GDI2: variants seen among roughly 807,000 people sequenced by gnomAD.
GDI2 encodes the protein GDP dissociation inhibitor 2, also known as rab GDP dissociation inhibitor beta.
GDI2 carries 22 observed loss-of-function variants against 54.2 expected under a neutral mutation model. The ratio of observed to expected loss-of-function variants is 0.41; its 90% CI spans 0.29 to 0.58. The LOEUF is 0.58. GDI2 is among the 20% of genes least tolerant of loss of function. The probability of loss-of-function intolerance (pLI) is 0.35; values close to 1 mark genes in which losing one functional copy is unlikely to be tolerated. For synonymous variants in GDI2, 177 were observed against 182.1 expected, an observed-to-expected ratio of 0.97 and a Z score of 0.23; for missense variants, 422 against 546.0, an observed-to-expected ratio of 0.77 and a Z score of 2.26.
chr10:5,793,197 G>A (rs1055559871), intron 4 of GDI2, among the ~76,000 whole-genome samples: 43 of 152,022 alleles, frequency 2.8e-4, no homozygotes, highest in Admixed American at 2.6e-3. Context: ...GTCCTGCTAT[G>A]TTGCCCAGGC....
chr10:5,794,865 G>C lies in GDI2; in HGVS notation c.388+20C>G. 2 of 1,543,890 alleles carry C rather than the reference G, an allele frequency of 1.3e-6. No individual in the cohort carries two copies. Among genetic ancestry groups the C allele is most frequent in the South Asian group, 1.1e-5 (1 of 88,722 alleles). On this transcript the variant is annotated intron_variant, in intron 4 of 10. Coordinates refer to ENST00000380191, the MANE Select transcript of GDI2 (RefSeq NM_001494.4). ...TCTGAGAAAATAAAACTAGTTACTA[G>C]AGAAAATAAAACTACTTACTAGATG...
At chr10:5,786,952 A>C (rs1053956793) in intron 4 of GDI2, among the ~76,000 whole-genome samples, 5 of 152,214 alleles carry the variant, frequency 3.3e-5, no homozygotes, top group Non-Finnish European at 5.9e-5. Context: ...GCTACAAATT[A>C]CCACTTTATA....
intron 7 of GDI2, among the ~76,000 whole-genome samples, chr10:5,772,995 AG>A (rs1840530203): frequency 6.6e-6 from 1 of 152,164 alleles, no homozygotes; most frequent in Admixed American, 6.5e-5. Context: ...GATCCTTGTA[AG>A]GAATAAATGA....
intron 7 of GDI2, among the ~76,000 whole-genome samples, chr10:5,773,178 T>C (rs759283022): frequency 2.0e-5 from 3 of 151,460 alleles, no homozygotes; most frequent in Non-Finnish European, 2.9e-5. Flanking sequence ...ACCCAGGAGG[T>C]TGCTACATTC....
intron 1 of GDI2, among the ~76,000 whole-genome samples, chr10:5,801,595 G>A (rs1450497475): frequency 1.3e-5 from 2 of 152,156 alleles, no homozygotes; most frequent in Non-Finnish European, 1.5e-5. Flanking sequence ...TGAATTGCTT[G>A]AACCTGGGAG....
rs184669181 is a variant in GDI2 at position 5,795,588 on chromosome 10, T to C, written c.254-569A>G. ...AAGGTTAATAATTCTATCAACTTGC[T>C]TTTGCAAAAGCAATGAAAAATTTAT... On this transcript the variant is annotated intron_variant, in intron 3 of 10. Transcript: ENST00000380191. Among the ~76,000 whole-genome samples, 6 of 152,366 alleles carry C rather than the reference T, an allele frequency of 3.9e-5. No homozygotes were observed. In the East Asian group the frequency reaches 1.2e-3, roughly 29 times the overall value.
intron 2 of GDI2, among the ~76,000 whole-genome samples, chr10:5,799,592 T>G (rs114966216): frequency 6.6e-6 from 1 of 151,948 alleles, no homozygotes; most frequent in Admixed American, 6.6e-5. Context: ...GTGGAAGCCA[T>G]AGGGAGGCGA....
Position 5,766,002 on chromosome 10 carries a change from G to A in GDI2, c.*4C>T, listed in dbSNP as rs1840316731. 1 of 1,572,176 alleles carries A rather than the reference G, an allele frequency of 6.4e-7. No homozygotes were observed. ...TCCTAATTACATAATAACATGTACT[G>A]CTGTTAGTCTTCCCCATAGATGTCA... On this transcript the variant is annotated 3_prime_UTR_variant, in exon 11 of 11. Transcript: ENST00000380191. The surrounding 1 kb of genome is among the most constrained non-coding windows in gnomAD (Gnocchi z 5.8).
chr10:5,795,350 A>T (rs1841121578), intron 3 of GDI2, among the ~76,000 whole-genome samples: 1 of 151,886 alleles, frequency 6.6e-6, no homozygotes, highest in African/African-American at 2.4e-5. Flanking sequence ...TCAAACTCCT[A>T]AGCTCAAACA....
intron 3 of GDI2, among the ~76,000 whole-genome samples, chr10:5,795,630 G>A (rs1841129346): frequency 6.6e-6 from 1 of 151,994 alleles, no homozygotes. Context: ...TATGAGGTTT[G>A]GAATTATAGT....
chr10:5,801,795 G>C (rs1841275228), intron 1 of GDI2, among the ~76,000 whole-genome samples: 1 of 152,170 alleles, frequency 6.6e-6, no homozygotes, highest in African/African-American at 2.4e-5. Flanking sequence ...TGTAATGCTT[G>C]AACCCAGGAA....
At chr10:5,793,935 A>C (rs549371983) in intron 4 of GDI2, among the ~76,000 whole-genome samples, 1 of 151,934 alleles carries the variant, frequency 6.6e-6, no homozygotes, top group East Asian at 1.9e-4. Context: ...AGGCCAAGGC[A>C]GGTGAAACAC....
At chr10:5,811,510 T>C (rs1841479138) in intron 1 of GDI2, among the ~76,000 whole-genome samples, 1 of 152,274 alleles carries the variant, frequency 6.6e-6, no homozygotes, top group East Asian at 1.9e-4. Context: ...ACCTCAATTG[T>C]GAGCAAATCT....
chr10:5,765,768 G>GA lies in GDI2; in HGVS notation c.*237dup, dbSNP rs34959016. 242,054 of 311,932 alleles carry GA rather than the reference G, an allele frequency of 0.78. 86,366 individuals are homozygous for GA. The highest frequency in any genetic ancestry group is 0.9 in the African/African-American group (40,021 of 44,452). The allele number at this position is 311,932 out of a possible 1,614,324, so 19.3% of individuals were successfully genotyped here. On this transcript the variant is annotated 3_prime_UTR_variant, in exon 11 of 11. Coordinates refer to ENST00000380191, the MANE Select transcript of GDI2 (RefSeq NM_001494.4). The stretch of plus-strand genomic sequence containing the variant: ...TCCCAATGTTTGTTTAACTTCACTA[G>GA]AAAAAAAAAAAGCCAGTTTGGTTAA...
chr10:5,805,942 T>G (rs1421823583), intron 1 of GDI2, among the ~76,000 whole-genome samples: 1 of 152,210 alleles, frequency 6.6e-6, no homozygotes, highest in African/African-American at 2.4e-5. Flanking sequence ...ATACCACAAT[T>G]TACTTCTCCA....
At position 5,813,371 on chromosome 10, in the gene GDI2, A is replaced by G. The variant is rs1423035814; in HGVS notation, c.-113T>C. The G allele has an allele frequency of 1.4e-6, 1 of 725,676 alleles. No individual in the cohort carries two copies. The highest frequency in any genetic ancestry group is 1.8e-5 in the African/African-American group (1 of 54,654). The allele number at this position is 725,676 out of a possible 1,614,324, so 45.0% of individuals were successfully genotyped here. A position where few individuals can be genotyped will look rare whatever the true frequency, so the allele number is the denominator to read the frequency against. On this transcript the variant is annotated 5_prime_UTR_variant, in exon 1 of 11. Coordinates refer to ENST00000380191, the MANE Select transcript of GDI2 (RefSeq NM_001494.4). ...GCGCGAAGGAAAGGGGAAGAGAAAGAGAGGAAAATGGAGCTGGCGACAAGG... is the reference window on the plus strand; with the variant it reads ...GCGCGAAGGAAAGGGGAAGAGAAAGGGAGGAAAATGGAGCTGGCGACAAGG...
chr10:5,770,213 G>T (rs899379015), intron 7 of GDI2, among the ~76,000 whole-genome samples: 3 of 152,170 alleles, frequency 2.0e-5, no homozygotes, highest in Non-Finnish European at 2.9e-5. Context: ...CTTGCCAGTG[G>T]CTGGAAGCAG....
At chr10:5,775,279 T>C (rs1315152026) in intron 6 of GDI2, among the ~76,000 whole-genome samples, 1 of 151,852 alleles carries the variant, frequency 6.6e-6, no homozygotes, top group African/African-American at 2.4e-5. Context: ...CAAAGCAAAA[T>C]GCTGTCTCAA....
At chr10:5,781,226 T>A (rs1840746579) in intron 6 of GDI2, among the ~76,000 whole-genome samples, 1 of 146,898 alleles carries the variant, frequency 6.8e-6, no homozygotes, top group Non-Finnish European at 1.5e-5. Context: ...CAACACTGTC[T>A]CAAGATGAAT....
Sources: gnomAD v4.1 joint callset for allele counts (sites outside exome capture counted in the v4.1 genomes callset) on GRCh38, gnomAD v4.1.1 for gene constraint, Gnocchi (gnomAD v3.1) non-coding constraint, MANE v1.5 for transcripts, NCBI Gene and HGNC (gene_info 2026-07-23, HGNC 2026-07-21) for gene names.